CTH: variants seen among roughly 807,000 people sequenced by gnomAD.
CTH encodes the protein cystathionine gamma-lyase.
In CTH, 41 loss-of-function variants were observed where a neutral mutation model predicts 50.6. That is an observed-to-expected ratio of 0.81 (90% confidence interval 0.63 to 1.05). The LOEUF is 1.05. Ranked by LOEUF, CTH falls within the 50% of genes least tolerant of loss-of-function variation. CTH has a pLI of 0.00. For synonymous variants in CTH, 156 were observed against 168.9 expected, an observed-to-expected ratio of 0.92 and a Z score of 0.59; for missense variants, 470 against 492.6, an observed-to-expected ratio of 0.95 and a Z score of 0.43.
rs546111566 is a variant in CTH at position 70,435,028 on chromosome 1, G to A, written c.1000-97G>A. 68 of 1,153,010 alleles carry A rather than the reference G, an allele frequency of 5.9e-5. No individual in the cohort carries two copies. In the Middle Eastern group the frequency reaches 1.2e-3, roughly 21 times the overall value. 71.4% of individuals were successfully genotyped at this position (1,153,010 alleles called of 1,614,324 possible). On this transcript the variant is annotated intron_variant, in intron 9 of 11. Coordinates refer to ENST00000370938, the MANE Select transcript of CTH (RefSeq NM_001902.6). Reference sequence around the variant, plus strand: ...GGCCTCCCAAAGTGCTGGGATTACAGGCATGAGCCACTGTGCCTGGCCTAA... The same window carrying A: ...GGCCTCCCAAAGTGCTGGGATTACAAGCATGAGCCACTGTGCCTGGCCTAA...
At position 70,424,285 on chromosome 1, in the gene CTH, C is replaced by G; in HGVS notation, c.457C>G (p.Leu153Val). 1 of 1,614,012 alleles carries G rather than the reference C, an allele frequency of 6.2e-7. No individual in the cohort carries two copies. Among genetic ancestry groups the G allele is most frequent in the Non-Finnish European group, 8.5e-7 (1 of 1,179,948 alleles). The change falls in exon 5 of 12, where the codon CTT becomes GTT. Residue 153 changes from leucine (L) to valine (V), a missense_variant and splice_region_variant. Leu to Val is a conservative substitution (Grantham distance 32). Coordinates refer to ENST00000370938, the MANE Select transcript of CTH (RefSeq NM_001902.6). ...LEAAITPETK[L>V]VWIETPTNPT... Reference sequence around the variant, plus strand: ...ACTGTTATTTGCTGAATTATTTTAGCTTGTTTGGATCGAAACCCCCACAAA... The same window carrying G: ...ACTGTTATTTGCTGAATTATTTTAGGTTGTTTGGATCGAAACCCCCACAAA...
chr1:70,426,111 T>C (rs1481663668), intron 5 of CTH, among the ~76,000 whole-genome samples: 23 of 152,154 alleles, frequency 1.5e-4, no homozygotes, highest in Non-Finnish European at 2.9e-5. Flanking sequence ...ACCCCTCCCA[T>C]ACATCTATCC....
At chr1:70,436,668 T>TAA (rs35782843) in intron 10 of CTH, among the ~76,000 whole-genome samples, 1 of 143,732 alleles carries the variant, frequency 7.0e-6, no homozygotes, top group African/African-American at 2.6e-5. Flanking sequence ...CTCACCAAGT[T>TAA]AAAAAAAAAA....
chr1:70,417,867 A>AAT, intron 2 of CTH, 70 bp from the exon 3 acceptor site: 1 of 1,556,004 alleles, frequency 6.4e-7, no homozygotes. Flanking sequence ...AAGTCAGGTA[A>AAT]ATACTTGGAG....
intron 1 of CTH, among the ~76,000 whole-genome samples, chr1:70,414,152 TAC>T (rs2101726326): frequency 6.6e-6 from 1 of 151,554 alleles, no homozygotes; most frequent in Admixed American, 6.6e-5. Flanking sequence ...ATCTGCAGGG[TAC>T]AGCTGCAGGT....
At chr1:70,425,664 G>T (rs146596101) in intron 5 of CTH, among the ~76,000 whole-genome samples, 2 of 152,296 alleles carry the variant, frequency 1.3e-5, no homozygotes, top group East Asian at 3.9e-4. Flanking sequence ...TACAATAATG[G>T]CAGAAGGCAA....
At chr1:70,423,737 G>A (rs529987173) in intron 4 of CTH, among the ~76,000 whole-genome samples, 83 of 152,228 alleles carry the variant, frequency 5.5e-4, no homozygotes, top group South Asian at 1.9e-3. Context: ...CGGTAACCAC[G>A]TTTTCTGTTG....
intron 7 of CTH, among the ~76,000 whole-genome samples, chr1:70,430,664 C>T (rs1298239711): frequency 6.6e-6 from 1 of 151,636 alleles, no homozygotes; most frequent in Non-Finnish European, 1.5e-5. Flanking sequence ...GCCTCAGCCT[C>T]CTGAGTAGCT....
intron 1 of CTH, 71 bp from the exon 2 acceptor site, chr1:70,415,885 T>C (rs1020623027): frequency 7.1e-6 from 6 of 840,724 alleles, no homozygotes; most frequent in Admixed American, 1.7e-5. Flanking sequence ...GGTGAAACTA[T>C]AGTTCTCTAT....
At chr1:70,418,154 G>A in intron 3 of CTH, 122 bp downstream of exon 3, 2 of 1,231,484 alleles carry the variant, frequency 1.6e-6, no homozygotes, top group Non-Finnish European at 2.3e-6. Flanking sequence ...TTACAGGTGT[G>A]ACAGGTACCT....
intron 7 of CTH, chr1:70,431,056 G>C (rs1303659010): frequency 6.6e-6 from 1 of 151,960 alleles, no homozygotes; most frequent in Non-Finnish European, 1.5e-5. Context: ...GCATGTGCCT[G>C]TGGTCCCAGA....
At chr1:70,417,346 G>A (rs1346212017) in intron 2 of CTH, among the ~76,000 whole-genome samples, 1 of 151,654 alleles carries the variant, frequency 6.6e-6, no homozygotes, top group Non-Finnish European at 1.5e-5. Context: ...GTGCAGTGGT[G>A]CAATCTTGGC....
chr1:70,426,096 A>G (rs1484916592), intron 5 of CTH, among the ~76,000 whole-genome samples: 2 of 152,146 alleles, frequency 1.3e-5, no homozygotes, highest in Non-Finnish European at 2.9e-5. Context: ...TTTCCTCCCC[A>G]GACCACCCCT....
At chr1:70,416,650 G>A (rs945255462) in intron 2 of CTH, among the ~76,000 whole-genome samples, 3 of 147,068 alleles carry the variant, frequency 2.0e-5, no homozygotes, top group Non-Finnish European at 1.5e-5. Context: ...TGCAACCTCC[G>A]CCTCCTGGAT....
intron 10 of CTH, among the ~76,000 whole-genome samples, chr1:70,436,097 G>A (rs569205548): frequency 1.2e-3 from 190 of 152,162 alleles, no homozygotes; most frequent in African/African-American, 4.4e-3. Context: ...GGCCACTTGA[G>A]GTCAGGAGTT....
At chr1:70,432,503 G>C (rs1218442408) in intron 8 of CTH, among the ~76,000 whole-genome samples, 1 of 152,078 alleles carries the variant, frequency 6.6e-6, no homozygotes, top group Non-Finnish European at 1.5e-5. Flanking sequence ...GTGGTGGTCT[G>C]TGATTTGAAG....
Position 70,411,595 on chromosome 1 carries a change from C to G in CTH, c.168+12C>G. On this transcript the variant is annotated intron_variant, in intron 1 of 11. Coordinates refer to ENST00000370938, the MANE Select transcript of CTH (RefSeq NM_001902.6). The stretch of plus-strand genomic sequence containing the variant: ...CTGGCCAGCACTCGGTGAGCTGGGT[C>G]TGTCTGGGGCTGTCCACAGTTGGGC... 6.2e-7 allele frequency: 1 copy of G among 1,611,242 alleles called. No individual in the cohort carries two copies. The highest frequency in any genetic ancestry group is 1.7e-4 in the Middle Eastern group (1 of 6,042).
intron 3 of CTH, 143 bp from the exon 4 acceptor site, chr1:70,421,419 CTATT>C (rs1325418130): frequency 3.9e-5 from 32 of 810,752 alleles, no homozygotes; most frequent in Non-Finnish European, 5.7e-5. Context: ...GATAGCCAAA[CTATT>C]TAACCAAACT....
At chr1:70,420,420 C>T (rs1684189749) in intron 3 of CTH, among the ~76,000 whole-genome samples, 1 of 152,116 alleles carries the variant, frequency 6.6e-6, no homozygotes, top group South Asian at 2.1e-4. Flanking sequence ...CTAGATCCCT[C>T]GAAAGTTAGA....
Sources: allele counts gnomAD v4.1 joint callset (sites outside exome capture counted in the v4.1 genomes callset), GRCh38; gene constraint gnomAD v4.1.1; transcripts MANE v1.5; gene names NCBI Gene and HGNC (gene_info 2026-07-23, HGNC 2026-07-21).